The following PCBP3 variants were observed in gnomAD, a reference collection of about 807,000 sequenced individuals.
PCBP3 encodes the protein poly(rC) binding protein 3.
Under a neutral mutation model 52.7 loss-of-function variants are expected in PCBP3, and 25 were observed. The observed-to-expected ratio is 0.47, with a 90% CI of 0.35 to 0.66. PCBP3 has a LOEUF of 0.66. PCBP3 is among the 30% of genes least tolerant of loss of function. The pLI, the probability that PCBP3 is intolerant of heterozygous loss-of-function variation, is 0.01. For missense variants in PCBP3, 391 were observed against 490.3 expected (o/e 0.80, Z 1.91); for synonymous variants, 162 against 183.0 (o/e 0.89, Z 0.93).
chr21:45,858,090 C>T (rs2094373100), intron 5 of PCBP3, among the ~76,000 whole-genome samples: 1 of 152,230 alleles, frequency 6.6e-6, no homozygotes, highest in Admixed American at 6.5e-5. Context: ...CCCTTACCTC[C>T]CTCCAGTCTC....
At chr21:45,939,511 A>G (rs972856915) in intron 16 of PCBP3, among the ~76,000 whole-genome samples, 1 of 152,272 alleles carries the variant, frequency 6.6e-6, no homozygotes, top group Non-Finnish European at 1.5e-5. Context: ...AAGTTCAGCA[A>G]AAGCTAAGTT....
intron 15 of PCBP3, among the ~76,000 whole-genome samples, chr21:45,932,909 C>T (rs1216232391): frequency 6.7e-6 from 1 of 149,514 alleles, no homozygotes; most frequent in African/African-American, 2.5e-5. Flanking sequence ...ATAAACACAT[C>T]AGCCAAGCTA....
chr21:45,673,176 A>T (rs1376541479), intron 2 of PCBP3, among the ~76,000 whole-genome samples: 1 of 152,232 alleles, frequency 6.6e-6, no homozygotes, highest in Non-Finnish European at 1.5e-5. Flanking sequence ...ATTTAATAAT[A>T]GATAATTTGA....
At chr21:45,935,179 G>C (rs1374403835) in intron 15 of PCBP3, 74 bp from the exon 16 acceptor site, 5 of 1,031,890 alleles carry the variant, frequency 4.8e-6, no homozygotes, top group Non-Finnish European at 7.5e-6. Flanking sequence ...ACCCAGGAGA[G>C]TGAGGGACAG....
chr21:45,728,369 A>G (rs751177402), intron 2 of PCBP3, among the ~76,000 whole-genome samples: 1 of 152,084 alleles, frequency 6.6e-6, no homozygotes, highest in Non-Finnish European at 1.5e-5. Context: ...TTTTTTGTTT[A>G]TATGGTGAAT....
At chr21:45,856,464 C>A (rs1427388211) in intron 5 of PCBP3, among the ~76,000 whole-genome samples, 2 of 152,194 alleles carry the variant, frequency 1.3e-5, no homozygotes, top group Non-Finnish European at 2.9e-5. Flanking sequence ...GGAGGTGGGT[C>A]TGGTGGGAGG....
intron 5 of PCBP3, among the ~76,000 whole-genome samples, chr21:45,889,681 A>G (rs1368172991): frequency 6.6e-6 from 1 of 152,116 alleles, no homozygotes; most frequent in East Asian, 1.9e-4. Flanking sequence ...ACAATTCCTG[A>G]GTCTCCCTGC....
intron 2 of PCBP3, among the ~76,000 whole-genome samples, chr21:45,726,818 A>C (rs2085083623): frequency 1.3e-5 from 2 of 152,176 alleles, no homozygotes; most frequent in African/African-American, 2.4e-5. Flanking sequence ...TGCCATCTGT[A>C]TATTTTCTTT....
rs1294924537 is a variant in PCBP3, at chr21:45,924,346, CGTGAGGAGATGCGA to C, written c.718-5570_718-5557del. Among the ~76,000 whole-genome samples the C allele has an allele frequency of 1.0e-3, 114 of 111,874 alleles. 1 individual carries two copies. Among genetic ancestry groups the C allele is most frequent in the Admixed American group, 1.4e-3 (16 of 11,566 alleles). 73.4% of individuals were successfully genotyped at this position (111,874 alleles called of 152,430 possible). ...AACAGCACACGTAAGATCGGGTGTGCGTGAGGAGATGCGAACACCGGGAACAGTCGAGTGGATAG... is the reference window on the plus strand; with the variant it reads ...AACAGCACACGTAAGATCGGGTGTGCACACCGGGAACAGTCGAGTGGATAG... On this transcript the variant is annotated intron_variant, in intron 13 of 17. Coordinates refer to ENST00000681687, the MANE Select transcript of PCBP3 (RefSeq NM_001384156.1).
Position 45,666,295 on chromosome 21 carries a change from A to G in PCBP3, c.-278-2579A>G, listed in dbSNP as rs2080791297. Among the ~76,000 whole-genome samples the G allele has an allele frequency of 2.6e-5, 4 of 152,334 alleles. No homozygotes were observed. The South Asian group carries it at 8.3e-4, about 32-fold the overall frequency. Reference sequence around the variant, plus strand: ...CAGTCAGGTAAGAGAAAGAAATAAAAGGCATCCATTTTGGAAAAGAGGAAA... The same window carrying G: ...CAGTCAGGTAAGAGAAAGAAATAAAGGGCATCCATTTTGGAAAAGAGGAAA... On this transcript the variant is annotated intron_variant, in intron 1 of 17. Transcript: ENST00000681687.
At chr21:45,694,459 T>C (rs368147653) in intron 2 of PCBP3, among the ~76,000 whole-genome samples, 10 of 152,134 alleles carry the variant, frequency 6.6e-5, no homozygotes, top group Admixed American at 5.2e-4. Flanking sequence ...AGGCAAAATA[T>C]ATTACCAGAG....
intron 9 of PCBP3, among the ~76,000 whole-genome samples, chr21:45,906,338 T>C (rs887453721): frequency 2.0e-5 from 3 of 147,130 alleles, no homozygotes; most frequent in African/African-American, 7.4e-5. Context: ...GTATCTGTAC[T>C]GGCAGGACAG....
chr21:45,692,828 G>GA (rs1460373218), intron 2 of PCBP3, among the ~76,000 whole-genome samples: 6 of 152,072 alleles, frequency 3.9e-5, no homozygotes, highest in East Asian at 1.9e-4. Context: ...GATATTACAA[G>GA]AAAAACCTAC....
chr21:45,676,746 G>C (rs773829920), intron 2 of PCBP3, among the ~76,000 whole-genome samples: 1 of 151,886 alleles, frequency 6.6e-6, no homozygotes, highest in Non-Finnish European at 1.5e-5. Flanking sequence ...GTGAAAGGAA[G>C]GGTTGCACAT....
chr21:45,814,849 AGTGGTGAGTGATGAGTGGTGACTGG>A, intron 4 of PCBP3, among the ~76,000 whole-genome samples: 8 of 104,816 alleles, frequency 7.6e-5, no homozygotes, highest in African/African-American at 3.1e-4. Context: ...ATGATGAGTG[AGTGGTGAGTGATGAGTGGTGACTGG>A]TGAGTGAGTG....
At chr21:45,891,178 T>A (rs2148928910) in intron 5 of PCBP3, among the ~76,000 whole-genome samples, 1 of 138,208 alleles carries the variant, frequency 7.2e-6, no homozygotes, top group Non-Finnish European at 1.6e-5. Flanking sequence ...GGAACCGCCG[T>A]GCCGCAGTCT....
rs549616128 is a variant in PCBP3 at position 45,937,161 on chromosome 21, G to T, written c.909+1856G>T. On this transcript the variant is annotated intron_variant, in intron 16 of 17. Transcript: ENST00000681687. ...CTTGCCTGTCATCTCGTCCACGTCC[G>T]TCTCTTGGTCACAGTTGGATCATGC... is the stretch of plus-strand genomic sequence containing the variant. Among the ~76,000 whole-genome samples the T allele has an allele frequency of 1.0e-3, 157 of 152,356 alleles. 1 individual carries two copies. Among genetic ancestry groups the T allele is most frequent in the South Asian group, 4.6e-3 (22 of 4,824 alleles).
intron 2 of PCBP3, chr21:45,728,793 T>A (rs1234511578): frequency 6.6e-6 from 1 of 152,200 alleles, no homozygotes; most frequent in African/African-American, 2.4e-5. Context: ...GAGTTTTGAT[T>A]ATTTGATTCT....
intron 2 of PCBP3, among the ~76,000 whole-genome samples, chr21:45,684,734 A>G (rs927332715): frequency 6.6e-6 from 1 of 152,184 alleles, no homozygotes; most frequent in South Asian, 2.1e-4. Flanking sequence ...CCATGAGCCA[A>G]AACACCTCTT....
Sources: gnomAD v4.1 joint callset for allele counts (sites outside exome capture counted in the v4.1 genomes callset) on GRCh38, gnomAD v4.1.1 for gene constraint, MANE v1.5 for transcripts, NCBI Gene and HGNC (gene_info 2026-07-23, HGNC 2026-07-21) for gene names.